ARHGAP15: variants seen among roughly 807,000 people sequenced by gnomAD.
ARHGAP15 encodes rho GTPase-activating protein 15.
Under a neutral mutation model 63.7 loss-of-function variants are expected in ARHGAP15, and 51 were observed. The observed-to-expected ratio is 0.80, with a 90% CI of 0.64 to 1.01. ARHGAP15 has a LOEUF of 1.01. Among genes scored for constraint, ARHGAP15 ranks in the 50% least tolerant of loss-of-function variants. The pLI is 0.00. For missense variants in ARHGAP15, 560 were observed against 564.6 expected (o/e 0.99, Z 0.08); for synonymous variants, 191 against 193.8 (o/e 0.99, Z 0.12).
chr2:143,214,107 G>A (rs549494988), intron 3 of ARHGAP15, among the ~76,000 whole-genome samples: 3 of 152,078 alleles, frequency 2.0e-5, no homozygotes, highest in East Asian at 1.9e-4. Context: ...ATCTTTGTGG[G>A]TAGCAAATGT....
chr2:143,395,433 A>G (rs780782570), intron 6 of ARHGAP15, among the ~76,000 whole-genome samples: 4 of 152,206 alleles, frequency 2.6e-5, no homozygotes, highest in Non-Finnish European at 5.9e-5. Context: ...AAAGAAGGAT[A>G]CTAAGCAAAT....
chr2:143,236,249 G>T (rs1693639740), intron 5 of ARHGAP15: 2 of 279,980 alleles, frequency 7.1e-6, no homozygotes, highest in Non-Finnish European at 1.3e-5. Context: ...TTTTGTATAG[G>T]TTTATTATAA....
At chr2:143,573,737 A>T (rs1574651594) in intron 11 of ARHGAP15, among the ~76,000 whole-genome samples, 1 of 152,126 alleles carries the variant, frequency 6.6e-6, no homozygotes, top group Admixed American at 6.6e-5. Flanking sequence ...GTAATTGGAA[A>T]TTTTATGGGA....
At chr2:143,291,427 C>A (rs1002858798) in intron 6 of ARHGAP15, among the ~76,000 whole-genome samples, 1 of 132,516 alleles carries the variant, frequency 7.5e-6, no homozygotes, top group East Asian at 2.2e-4. Flanking sequence ...CTCACAGACA[C>A]ACTCAGGCAC....
At chr2:143,619,082 G>A (rs1698557725) in intron 11 of ARHGAP15, among the ~76,000 whole-genome samples, 1 of 151,924 alleles carries the variant, frequency 6.6e-6, no homozygotes, top group African/African-American at 2.4e-5. Context: ...CAAAGTGCTG[G>A]TATTACAGGC....
chr2:143,398,501 G>GT (rs1434506487), intron 6 of ARHGAP15, among the ~76,000 whole-genome samples: 3 of 152,070 alleles, frequency 2.0e-5, no homozygotes, highest in Non-Finnish European at 4.4e-5. Flanking sequence ...GCATAATGCT[G>GT]TATATGATTG....
chr2:143,508,003 A>G (rs67123354), intron 9 of ARHGAP15, among the ~76,000 whole-genome samples: 14,291 of 149,256 alleles, frequency 0.096, 828 homozygotes, highest in African/African-American at 0.17. Flanking sequence ...TAGAAGGATC[A>G]TTTATAAATG....
chr2:143,470,712 T>TATATATATA (rs1242986950), intron 8 of ARHGAP15, among the ~76,000 whole-genome samples: 1 of 150,274 alleles, frequency 6.7e-6, no homozygotes, highest in African/African-American at 2.4e-5. Context: ...TATATATGTG[T>TATATATATA]TGCCTGGGTA....
At position 143,465,784 on chromosome 2, in the gene ARHGAP15, A is replaced by G. The variant is rs571751559; in HGVS notation, c.704-21589A>G. Among the ~76,000 whole-genome samples, 14 of 152,146 alleles carry G rather than the reference A, an allele frequency of 9.2e-5. No homozygotes were observed. In the South Asian group the frequency reaches 1.9e-3, roughly 20 times the overall value. On this transcript the variant is annotated intron_variant, in intron 8 of 13. Coordinates refer to ENST00000295095, the MANE Select transcript of ARHGAP15 (RefSeq NM_018460.4). Reference sequence around the variant, plus strand: ...AATCAACTAAAGTTTACCTTCTGTTATATTAGCATCAGTGACTTTCTAATT... The same window carrying G: ...AATCAACTAAAGTTTACCTTCTGTTGTATTAGCATCAGTGACTTTCTAATT...
chr2:143,629,384 T>G (rs1698974439), intron 12 of ARHGAP15, among the ~76,000 whole-genome samples: 1 of 152,272 alleles, frequency 6.6e-6, no homozygotes, highest in East Asian at 1.9e-4. Context: ...TCATGGGGAT[T>G]TAACCCACTG....
At chr2:143,539,861 C>T (rs9797927) in intron 10 of ARHGAP15, among the ~76,000 whole-genome samples, 124,375 of 151,752 alleles carry the variant, frequency 0.82, 51,098 homozygotes, top group South Asian at 0.84. Flanking sequence ...ATTCTGTTGA[C>T]TTGTGGTGGA....
At chr2:143,449,132 C>A (rs1033308713) in intron 8 of ARHGAP15, among the ~76,000 whole-genome samples, 1 of 151,978 alleles carries the variant, frequency 6.6e-6, no homozygotes, top group Non-Finnish European at 1.5e-5. Flanking sequence ...TGCCTTGTAA[C>A]TTTTGCCTGT....
intron 6 of ARHGAP15, among the ~76,000 whole-genome samples, chr2:143,333,297 C>A (rs1684628452): frequency 6.6e-6 from 1 of 152,184 alleles, no homozygotes; most frequent in African/African-American, 2.4e-5. Context: ...TCACTGTGGA[C>A]TCTTTGCAGT....
chr2:143,561,515 C>CT lies in ARHGAP15; in HGVS notation c.1003+5044dup, dbSNP rs34149132. ...AGACATGTTTTTCTTTTTTCTTTTT[C>CT]TTTTTTTTTTTTTTGAGACGGAGTC... On this transcript the variant is annotated intron_variant, in intron 11 of 13. Coordinates refer to ENST00000295095, the MANE Select transcript of ARHGAP15 (RefSeq NM_018460.4). 2.1e-3 allele frequency among the ~76,000 whole-genome samples: 291 copies of CT among 138,112 alleles called. 1 individual carries two copies. Among genetic ancestry groups the CT allele is most frequent in the African/African-American group, 3.9e-3 (150 of 38,304 alleles). 90.6% of individuals were successfully genotyped at this position (138,112 alleles called of 152,430 possible). A position where few individuals can be genotyped will look rare whatever the true frequency, so the allele number is the denominator to read the frequency against.
chr2:143,188,918 C>T (rs1574068291), intron 2 of ARHGAP15, among the ~76,000 whole-genome samples: 2 of 151,928 alleles, frequency 1.3e-5, no homozygotes, highest in African/African-American at 4.8e-5. Context: ...GCCACCGTGC[C>T]GGCCCCTATG....
intron 6 of ARHGAP15, among the ~76,000 whole-genome samples, chr2:143,389,193 T>C (rs1197888365): frequency 6.6e-6 from 1 of 151,828 alleles, no homozygotes; most frequent in African/African-American, 2.4e-5. Flanking sequence ...AACACAAAAC[T>C]GGCATGCTGG....
chr2:143,729,816 T>G (rs1329936440), intron 13 of ARHGAP15, among the ~76,000 whole-genome samples: 1 of 152,216 alleles, frequency 6.6e-6, no homozygotes, highest in South Asian at 2.1e-4. Flanking sequence ...AGTGACTAAA[T>G]GCATTTTTAG....
chr2:143,732,856 G>A (rs1405023191), intron 13 of ARHGAP15, among the ~76,000 whole-genome samples: 1 of 150,588 alleles, frequency 6.6e-6, no homozygotes, highest in African/African-American at 2.4e-5. Flanking sequence ...AAGTTTCTTG[G>A]TAAAGTAATA....
chr2:143,282,828 T>C (rs1681917065), intron 6 of ARHGAP15, among the ~76,000 whole-genome samples: 1 of 152,172 alleles, frequency 6.6e-6, no homozygotes, highest in Non-Finnish European at 1.5e-5. Context: ...TTTAGAAGGT[T>C]AGCCCTTTTC....
Sources: gnomAD v4.1 joint callset for allele counts (sites outside exome capture counted in the v4.1 genomes callset) on GRCh38, gnomAD v4.1.1 for gene constraint, MANE v1.5 for transcripts, NCBI Gene and HGNC (gene_info 2026-07-23, HGNC 2026-07-21) for gene names.